FIG4: variants seen among roughly 807,000 people sequenced by gnomAD.
The protein encoded by FIG4 is polyphosphoinositide phosphatase.
FIG4 carries 112 observed loss-of-function variants against 118.6 expected under a neutral mutation model. That is an observed-to-expected ratio of 0.94 (90% CI 0.81 to 1.11). The LOEUF is 1.11. Ranked by LOEUF, FIG4 falls within the 50% of genes least tolerant of loss-of-function variation. FIG4 has a pLI of 0.00. For missense variants in FIG4, 969 were observed against 1,111.7 expected, an observed-to-expected ratio of 0.87 and a Z score of 1.83; for synonymous variants, 369 against 381.2, an observed-to-expected ratio of 0.97 and a Z score of 0.37.
At chr6:109,770,224 A>AT (rs1035879772) in intron 15 of FIG4, among the ~76,000 whole-genome samples, 5 of 150,998 alleles carry the variant, frequency 3.3e-5, no homozygotes, top group African/African-American at 4.9e-5. Flanking sequence ...AGCTCTTTCT[A>AT]TTTTTTTTTA....
At chr6:109,780,025 A>G (rs979952997) in intron 16 of FIG4, among the ~76,000 whole-genome samples, 3 of 152,228 alleles carry the variant, frequency 2.0e-5, no homozygotes, top group Non-Finnish European at 2.9e-5. Flanking sequence ...TGAAGTAGCC[A>G]GGCTCTGGAA....
chr6:109,709,463 A>G (rs905115668), intron 1 of FIG4, among the ~76,000 whole-genome samples: 6 of 152,166 alleles, frequency 3.9e-5, no homozygotes, highest in Admixed American at 3.3e-4. Flanking sequence ...TTGGTTCCAT[A>G]TGAATTTTAA....
intron 10 of FIG4, among the ~76,000 whole-genome samples, chr6:109,749,921 T>C (rs1224561495): frequency 6.6e-6 from 1 of 152,236 alleles, no homozygotes; most frequent in African/African-American, 2.4e-5. Context: ...AGTTGCTGTT[T>C]CATGGAATAG....
At chr6:109,747,249 CA>C (rs2128387730) in intron 10 of FIG4, among the ~76,000 whole-genome samples, 1 of 152,038 alleles carries the variant, frequency 6.6e-6, no homozygotes, top group East Asian at 1.9e-4. Flanking sequence ...AAGGCATGGG[CA>C]TGGATGAGAT....
chr6:109,771,145 G>A (rs1485272342), intron 15 of FIG4, among the ~76,000 whole-genome samples: 4 of 152,224 alleles, frequency 2.6e-5, no homozygotes, highest in Non-Finnish European at 5.9e-5. Context: ...AAAATGTTTT[G>A]TTTTAATAAC....
intron 3 of FIG4, among the ~76,000 whole-genome samples, chr6:109,722,866 A>C (rs899070558): frequency 6.6e-6 from 1 of 152,044 alleles, no homozygotes; most frequent in African/African-American, 2.4e-5. Context: ...TACAACACAG[A>C]GTTGGTGGGG....
intron 10 of FIG4, among the ~76,000 whole-genome samples, chr6:109,757,178 GTTT>G (rs55873248): frequency 1.3e-5 from 2 of 151,956 alleles, no homozygotes; most frequent in Non-Finnish European, 2.9e-5. Context: ...TTTTTGAAGA[GTTT>G]TTCATGTCTG....
chr6:109,707,425 A>G (rs1035904661), intron 1 of FIG4, among the ~76,000 whole-genome samples: 25 of 147,936 alleles, frequency 1.7e-4, no homozygotes, highest in African/African-American at 5.7e-4. Flanking sequence ...ACCTATACAT[A>G]TATACATATA....
rs1422549851 is a variant in FIG4 at position 109,763,952 on chromosome 6, A to T, written c.1404A>T (p.Gly468=). 3 of 1,609,802 alleles carry T rather than the reference A, an allele frequency of 1.9e-6. No individual in the cohort carries two copies. In the South Asian group the frequency reaches 3.3e-5, roughly 18 times the overall value. Residue 468 remains glycine, a synonymous_variant, in exon 13 of 23, where the codon GGA becomes GGT. Coordinates refer to ENST00000230124, the MANE Select transcript of FIG4 (RefSeq NM_014845.6). ...TTAAACACAGGTGGAATGAACTAGGAGGATGTGTGATTCCCACTGGTCGCC... is the reference window on the plus strand; with the variant it reads ...TTAAACACAGGTGGAATGAACTAGGTGGATGTGTGATTCCCACTGGTCGCC... ...LRPDEKWNEL[G]GCVIPTGRLQ... is the part of the protein sequence containing the mutation.
At chr6:109,748,631 C>T (rs1562659874) in intron 10 of FIG4, among the ~76,000 whole-genome samples, 2 of 152,152 alleles carry the variant, frequency 1.3e-5, no homozygotes, top group East Asian at 3.9e-4. Flanking sequence ...TTGCACACTG[C>T]TGATAAAAAC....
intron 1 of FIG4, among the ~76,000 whole-genome samples, chr6:109,712,857 T>C (rs1407992249): frequency 6.6e-6 from 1 of 152,236 alleles, no homozygotes; most frequent in Non-Finnish European, 1.5e-5. Flanking sequence ...CTCATCTTTG[T>C]GGGCTAATGT....
At chr6:109,805,441 A>G (rs901178463) in intron 22 of FIG4, among the ~76,000 whole-genome samples, 1 of 152,186 alleles carries the variant, frequency 6.6e-6, no homozygotes, top group African/African-American at 2.4e-5. Flanking sequence ...ATTTTAGAAA[A>G]CTATTGTGGT....
Position 109,763,935 on chromosome 6 carries a change from A to G in FIG4, c.1389-2A>G. On this transcript the variant is annotated splice_acceptor_variant, in intron 12 of 22. Coordinates refer to ENST00000230124, the MANE Select transcript of FIG4 (RefSeq NM_014845.6). LOFTEE classifies it high-confidence loss of function. ...TTTAAAAGTGTTTATTTTTAAACAC[A>G]GGTGGAATGAACTAGGAGGATGTGT... The G allele has an allele frequency of 1.2e-6, 2 of 1,605,258 alleles. No homozygotes were observed. The highest frequency in any genetic ancestry group is 1.7e-6 in the Non-Finnish European group (2 of 1,171,936).
chr6:109,793,636 G>GTGTC (rs1412659897), intron 21 of FIG4, among the ~76,000 whole-genome samples: 1 of 152,182 alleles, frequency 6.6e-6, no homozygotes, highest in Non-Finnish European at 1.5e-5. Context: ...ATTTGTAAAT[G>GTGTC]TGTCTGTAAA....
chr6:109,781,075 GGA>G (rs963769124), intron 16 of FIG4, among the ~76,000 whole-genome samples: 2 of 152,110 alleles, frequency 1.3e-5, no homozygotes, highest in African/African-American at 2.4e-5. Flanking sequence ...GTTTCCCTAG[GGA>G]GAGAGAGAGG....
At chr6:109,755,151 G>A (rs1480959347) in intron 10 of FIG4, among the ~76,000 whole-genome samples, 4 of 151,944 alleles carry the variant, frequency 2.6e-5, no homozygotes, top group Non-Finnish European at 5.9e-5. Context: ...TGTTCTCGTT[G>A]GTTTCAAAGA....
At chr6:109,738,779 G>T (rs1776237503) in intron 7 of FIG4, among the ~76,000 whole-genome samples, 2 of 152,190 alleles carry the variant, frequency 1.3e-5, no homozygotes, top group South Asian at 4.1e-4. Flanking sequence ...GTTGAACTTG[G>T]CCTGGGCCCT....
At chr6:109,784,390 A>G (rs529781612) in intron 16 of FIG4, among the ~76,000 whole-genome samples, 1 of 152,338 alleles carries the variant, frequency 6.6e-6, no homozygotes, top group African/African-American at 2.4e-5. Flanking sequence ...CAAGTAGCAC[A>G]TATTTACAGT....
At chr6:109,814,416 A>G (rs1371878518) in intron 22 of FIG4, among the ~76,000 whole-genome samples, 2 of 151,036 alleles carry the variant, frequency 1.3e-5, no homozygotes, top group African/African-American at 4.9e-5. Flanking sequence ...TGCTGGGATT[A>G]TAGGCTTGAG....
Sources: gnomAD v4.1 joint callset for allele counts (sites outside exome capture counted in the v4.1 genomes callset) on GRCh38, gnomAD v4.1.1 for gene constraint, MANE v1.5 for transcripts, NCBI Gene and HGNC (gene_info 2026-07-23, HGNC 2026-07-21) for gene names.